The following CC2D2A variants were observed in gnomAD, a reference collection of about 807,000 sequenced individuals.
The protein encoded by CC2D2A is coiled-coil and C2 domain containing 2A, also known as coiled-coil and C2 domain-containing protein 2A.
CC2D2A carries 155 observed loss-of-function variants against 212.9 expected under a neutral mutation model. The ratio of observed to expected loss-of-function variants is 0.73; its 90% CI spans 0.64 to 0.83. CC2D2A has a LOEUF of 0.83. Ranked by LOEUF, CC2D2A falls within the 40% of genes least tolerant of loss-of-function variation. The pLI is 0.00. For synonymous variants in CC2D2A, 667 were observed against 686.5 expected, an observed-to-expected ratio of 0.97 and a Z score of 0.44; for missense variants, 1,856 against 1,956.2, an observed-to-expected ratio of 0.95 and a Z score of 0.97.
At chr4:15,499,915 A>G (rs1715826694) in intron 4 of CC2D2A, among the ~76,000 whole-genome samples, 2 of 140,538 alleles carry the variant, frequency 1.4e-5, no homozygotes, top group South Asian at 4.3e-4. Flanking sequence ...GTGGCTGGGG[A>G]CCTTAGAACC....
rs571272266 is a variant in CC2D2A at position 15,491,190 on chromosome 4, G to T, written c.247+10363G>T. ...TGCCGATATACTTTTCAAAGTGGCT[G>T]CATCATTTTACTTTTCTGACAACAA... On this transcript the variant is annotated intron_variant, in intron 4 of 36. Coordinates refer to ENST00000424120, the MANE Select transcript of CC2D2A (RefSeq NM_001378615.1). 2.6e-5 allele frequency among the ~76,000 whole-genome samples: 4 copies of T among 152,254 alleles called. No homozygotes were observed. The South Asian group carries it at 8.3e-4, about 32-fold the overall frequency.
At chr4:15,486,751 T>A (rs1440763352) in intron 4 of CC2D2A, among the ~76,000 whole-genome samples, 2 of 152,040 alleles carry the variant, frequency 1.3e-5, no homozygotes, top group Non-Finnish European at 2.9e-5. Context: ...TGAGGTTATT[T>A]AAAATCTTTC....
chr4:15,527,799 C>G (rs908730113), intron 12 of CC2D2A, 143 bp downstream of exon 12: 1 of 660,656 alleles, frequency 1.5e-6, no homozygotes, highest in Non-Finnish European at 2.6e-6. Context: ...CATTATCCAG[C>G]TAGAGACAAA....
chr4:15,596,006 C>A, intron 33 of CC2D2A, 79 bp from the exon 34 acceptor site: 1 of 1,020,204 alleles, frequency 9.8e-7, no homozygotes, highest in Non-Finnish European at 1.3e-6. Context: ...TGCCTCTATG[C>A]CACACATACA....
chr4:15,578,927 A>C (rs1720530404), intron 29 of CC2D2A, among the ~76,000 whole-genome samples: 1 of 151,978 alleles, frequency 6.6e-6, no homozygotes, highest in Non-Finnish European at 1.5e-5. Context: ...CAGGTGTGAG[A>C]CACTGTGCCC....
chr4:15,581,929 A>T lies in CC2D2A; in HGVS notation c.3975+1758A>T, dbSNP rs796281505. 5.9e-5 allele frequency among the ~76,000 whole-genome samples: 9 copies of T among 152,354 alleles called. 1 individual carries two copies. The highest frequency in any genetic ancestry group is 2.2e-4 in the African/African-American group (9 of 41,590). ...AAGAAACATGAACATACAATGAAAGATCATCAATGAAGAAGTAAATCACCA... is the reference window on the plus strand; with the variant it reads ...AAGAAACATGAACATACAATGAAAGTTCATCAATGAAGAAGTAAATCACCA... On this transcript the variant is annotated intron_variant, in intron 30 of 36. Coordinates refer to ENST00000424120, the MANE Select transcript of CC2D2A (RefSeq NM_001378615.1).
intron 30 of CC2D2A, among the ~76,000 whole-genome samples, chr4:15,581,784 A>T (rs1720674699): frequency 6.6e-6 from 1 of 152,240 alleles, no homozygotes; most frequent in African/African-American, 2.4e-5. Context: ...TCTAGTTGAA[A>T]GTATTTCCTG....
intron 1 of CC2D2A, 46 bp from the exon 2 acceptor site, chr4:15,475,869 T>G (rs753102444): frequency 5.0e-6 from 7 of 1,399,802 alleles, no homozygotes; most frequent in Non-Finnish European, 6.9e-6. Context: ...AGAAGCAATA[T>G]TTCATTGATT....
intron 31 of CC2D2A, among the ~76,000 whole-genome samples, chr4:15,586,747 C>T (rs1720870374): frequency 6.6e-6 from 1 of 152,150 alleles, no homozygotes; most frequent in Non-Finnish European, 1.5e-5. Flanking sequence ...GCTGCATAAT[C>T]TCTCAAATAT....
intron 4 of CC2D2A, among the ~76,000 whole-genome samples, chr4:15,500,101 G>GTA (rs1222191394): frequency 5.6e-5 from 4 of 71,124 alleles, no homozygotes; most frequent in Non-Finnish European, 1.4e-4. Context: ...GTGTGTGTGT[G>GTA]TGTGTGTATA....
chr4:15,511,990 A>G (rs1488524465), intron 8 of CC2D2A, among the ~76,000 whole-genome samples: 1 of 152,232 alleles, frequency 6.6e-6, no homozygotes, highest in Non-Finnish European at 1.5e-5. Flanking sequence ...CAATCATCAT[A>G]AGGGAAATGC....
intron 35 of CC2D2A, among the ~76,000 whole-genome samples, chr4:15,598,333 G>C (rs1721409809): frequency 6.6e-6 from 1 of 152,188 alleles, no homozygotes; most frequent in African/African-American, 2.4e-5. Context: ...TGAGAAGCTA[G>C]CTAGGTCTCT....
At chr4:15,512,213 A>G (rs1047368110) in intron 8 of CC2D2A, among the ~76,000 whole-genome samples, 1 of 152,232 alleles carries the variant, frequency 6.6e-6, no homozygotes. Flanking sequence ...CACTCTGTGT[A>G]TATATCCAAA....
chr4:15,504,934 A>C (rs1454187499), intron 6 of CC2D2A, among the ~76,000 whole-genome samples: 1 of 152,244 alleles, frequency 6.6e-6, no homozygotes, highest in Admixed American at 6.5e-5. Flanking sequence ...ACTTCAGCTG[A>C]CCAGGGCTAA....
intron 33 of CC2D2A, among the ~76,000 whole-genome samples, chr4:15,594,541 C>G (rs1721235115): frequency 6.6e-6 from 1 of 151,942 alleles, no homozygotes; most frequent in Non-Finnish European, 1.5e-5. Flanking sequence ...AGTGCAATGA[C>G]AATGGCAGAG....
intron 17 of CC2D2A, among the ~76,000 whole-genome samples, chr4:15,546,303 T>C (rs1040494741): frequency 3.9e-5 from 6 of 152,212 alleles, no homozygotes; most frequent in African/African-American, 1.2e-4. Context: ...TTTTGTGTCA[T>C]TTGCATCTGT....
At chr4:15,563,326 G>C in intron 23 of CC2D2A, 29 bp from the exon 24 acceptor site, 5 of 1,556,448 alleles carry the variant, frequency 3.2e-6, no homozygotes, top group Non-Finnish European at 3.5e-6. Context: ...CTTTTTCTTA[G>C]AGTCCTGATC....
At chr4:15,530,260 C>T (rs1486551073) in intron 13 of CC2D2A, among the ~76,000 whole-genome samples, 1 of 152,162 alleles carries the variant, frequency 6.6e-6, no homozygotes, top group Non-Finnish European at 1.5e-5. Context: ...CGTGAGCCAC[C>T]GCGCCCGGCC....
At chr4:15,546,504 C>A (rs1038335560) in intron 17 of CC2D2A, among the ~76,000 whole-genome samples, 5 of 152,184 alleles carry the variant, frequency 3.3e-5, no homozygotes. Context: ...GATGGCCCAG[C>A]TTTCTCTTCT....
Sources: gnomAD v4.1 joint callset for allele counts (sites outside exome capture counted in the v4.1 genomes callset) on GRCh38, gnomAD v4.1.1 for gene constraint, MANE v1.5 for transcripts, NCBI Gene and HGNC (gene_info 2026-07-23, HGNC 2026-07-21) for gene names.